EPN2: variants seen among roughly 807,000 people sequenced by gnomAD.
EPN2 encodes epsin-2.
Under a neutral mutation model 61.7 loss-of-function variants are expected in EPN2, and 34 were observed. The ratio of observed to expected loss-of-function variants is 0.55; its 90% CI spans 0.42 to 0.73. EPN2 has a LOEUF of 0.73. EPN2 is among the 30% of genes least tolerant of loss of function. EPN2 has a pLI of 0.00. For missense variants in EPN2, 714 were observed against 839.2 expected (o/e 0.85, Z 1.84); for synonymous variants, 349 against 353.6 (o/e 0.99, Z 0.15).
At chr17:19,314,750 G>T (rs913687946) in intron 7 of EPN2, among the ~76,000 whole-genome samples, 1 of 152,250 alleles carries the variant, frequency 6.6e-6, no homozygotes, top group Non-Finnish European at 1.5e-5. Context: ...TGCTCAAGAG[G>T]TTGGTTCACA....
chr17:19,261,881 AT>A (rs2045145181), intron 1 of EPN2, among the ~76,000 whole-genome samples: 1 of 152,124 alleles, frequency 6.6e-6, no homozygotes, highest in Non-Finnish European at 1.5e-5. Context: ...GTTTTGTCTT[AT>A]TTTGTTTTGT....
intron 1 of EPN2, among the ~76,000 whole-genome samples, chr17:19,245,174 G>A (rs191123975): frequency 1.3e-5 from 2 of 152,308 alleles, no homozygotes; most frequent in African/African-American, 4.8e-5. Context: ...GCCTGGATGT[G>A]TACAGCAGGG....
At chr17:19,305,727 C>T (rs1337627911) in intron 4 of EPN2, among the ~76,000 whole-genome samples, 4 of 152,120 alleles carry the variant, frequency 2.6e-5, no homozygotes, top group Non-Finnish European at 5.9e-5. Context: ...TACAGGCACC[C>T]AGGCTCTGCC....
Position 19,318,549 on chromosome 17 carries a change from C to CAAAAAAAAAA in EPN2, c.1147+5279_1147+5288dup, listed in dbSNP as rs58660254. Reference sequence around the variant, plus strand: ...TGGGCAACAGAGCGAGACTCCATCTCAAAAAAAAAAAAAAAAAAGAGTAGG... The same window carrying CAAAAAAAAAA: ...TGGGCAACAGAGCGAGACTCCATCTCAAAAAAAAAAAAAAAAAAAAAAAAAAAAGAGTAGG... On this transcript the variant is annotated intron_variant, in intron 7 of 10. Transcript: ENST00000314728. 6.5e-4 allele frequency among the ~76,000 whole-genome samples: 16 copies of CAAAAAAAAAA among 24,780 alleles called. 4 individuals carry two copies. The highest frequency in any genetic ancestry group is 1.2e-3 in the Non-Finnish European group (11 of 9,550). 16.3% of individuals were successfully genotyped at this position (24,780 alleles called of 152,430 possible). A position where few individuals can be genotyped will look rare whatever the true frequency, so the allele number is the denominator to read the frequency against.
intron 7 of EPN2, among the ~76,000 whole-genome samples, chr17:19,328,047 G>T (rs1201402668): frequency 6.6e-6 from 1 of 152,102 alleles, no homozygotes; most frequent in Non-Finnish European, 1.5e-5. Flanking sequence ...TTTTGTGTGT[G>T]TTTTTTCTTT....
chr17:19,316,113 A>G (rs1034972286), intron 7 of EPN2, among the ~76,000 whole-genome samples: 3 of 152,236 alleles, frequency 2.0e-5, no homozygotes, highest in African/African-American at 4.8e-5. Flanking sequence ...TGGATATACA[A>G]CACTTCGTTT....
chr17:19,245,783 C>T (rs1043503738), intron 1 of EPN2, among the ~76,000 whole-genome samples: 1 of 151,954 alleles, frequency 6.6e-6, no homozygotes, highest in Non-Finnish European at 1.5e-5. Context: ...CTGTCTCAGC[C>T]TCCTGAGTAG....
intron 1 of EPN2, among the ~76,000 whole-genome samples, chr17:19,259,308 CTTTTTTTTTT>C (rs776768357): frequency 7.3e-5 from 7 of 96,194 alleles, no homozygotes; most frequent in Admixed American, 7.0e-4. Flanking sequence ...AGTGTTGGGT[CTTTTTTTTTT>C]TTTTTTTTTT....
intron 4 of EPN2, among the ~76,000 whole-genome samples, chr17:19,298,165 C>T (rs573659927): frequency 2.0e-5 from 3 of 152,188 alleles, no homozygotes; most frequent in East Asian, 1.9e-4. Context: ...TGAGCCACCA[C>T]GCCCAGCCTC....
intron 4 of EPN2, among the ~76,000 whole-genome samples, chr17:19,291,582 C>T (rs1265833734): frequency 2.6e-5 from 4 of 151,768 alleles, no homozygotes; most frequent in Non-Finnish European, 4.4e-5. Flanking sequence ...GGACTACAGG[C>T]GCCCGCCACT....
chr17:19,310,281 A>G (rs373802736), intron 5 of EPN2, among the ~76,000 whole-genome samples: 22 of 152,174 alleles, frequency 1.4e-4, no homozygotes, highest in East Asian at 9.7e-4. Context: ...ACTTGTGCAG[A>G]CACGTGTCTG....
chr17:19,284,561 GTA>G (rs779282450), intron 3 of EPN2, among the ~76,000 whole-genome samples: 1 of 152,204 alleles, frequency 6.6e-6, no homozygotes, highest in Non-Finnish European at 1.5e-5. Context: ...GGTGGGGATT[GTA>G]GAAATTATAT....
At chr17:19,315,801 A>G (rs1311488929) in intron 7 of EPN2, among the ~76,000 whole-genome samples, 2 of 152,176 alleles carry the variant, frequency 1.3e-5, no homozygotes, top group Non-Finnish European at 2.9e-5. Flanking sequence ...AACCATTTTA[A>G]AGCGGACACT....
chr17:19,285,730 G>A lies in EPN2; in HGVS notation c.706G>A (p.Ala236Thr). ...CCCCTTCCTGCCGCACCTGGGGCTG[G>A]CCTCCCGCCCAAATGGCGACTGGTC... is the stretch of plus-strand genomic sequence containing the variant. ...RHPFLPHLGLASRPNGDWSQP... is the reference protein window; with the variant it reads ...RHPFLPHLGLTSRPNGDWSQP... Residue 236 changes from alanine to threonine, a missense_variant, in exon 4 of 11, where the codon GCC (alanine) becomes ACC (threonine). Ala to Thr is a moderately conservative substitution (Grantham distance 58). Transcript: ENST00000314728. This position sits in a 1 kb window ranked among gnomAD's most constrained non-coding sequence, Gnocchi z 4.5. 6.2e-7 allele frequency: 1 copy of A among 1,607,878 alleles called. No individual in the cohort carries two copies. Among genetic ancestry groups the A allele is most frequent in the Non-Finnish European group, 8.5e-7 (1 of 1,178,334 alleles).
chr17:19,308,752 C>T (rs1005853661), intron 4 of EPN2: 19 of 847,578 alleles, frequency 2.2e-5, no homozygotes, highest in African/African-American at 3.7e-5. Flanking sequence ...CTTCCTGAAA[C>T]GGGGGCAGAG....
intron 1 of EPN2, among the ~76,000 whole-genome samples, chr17:19,248,662 TCTTTA>T (rs1244108894): frequency 1.3e-5 from 2 of 152,234 alleles, no homozygotes; most frequent in African/African-American, 4.8e-5. Flanking sequence ...CTTCATTTAT[TCTTTA>T]CTTAATGCTT....
intron 1 of EPN2, among the ~76,000 whole-genome samples, chr17:19,251,330 T>C (rs1032432566): frequency 6.6e-6 from 1 of 152,180 alleles, no homozygotes; most frequent in Non-Finnish European, 1.5e-5. Context: ...TCTTGCTTCC[T>C]TCAGCTCCCA....
intron 4 of EPN2, among the ~76,000 whole-genome samples, chr17:19,304,105 A>AAAAT (rs59074991): frequency 0.97 from 146,262 of 151,462 alleles, 70,907 homozygotes; most frequent in African/African-American, 0.99. Flanking sequence ...TCCGTCTCAA[A>AAAAT]AAATAAATAA....
intron 1 of EPN2, chr17:19,279,768 C>G (rs1437405707): frequency 1.3e-5 from 2 of 151,308 alleles, no homozygotes; most frequent in Non-Finnish European, 2.9e-5. Context: ...TTAGGACATT[C>G]TCAACCATTT....
Sources: gnomAD v4.1 joint callset for allele counts (sites outside exome capture counted in the v4.1 genomes callset) on GRCh38, gnomAD v4.1.1 for gene constraint, Gnocchi (gnomAD v3.1) non-coding constraint, MANE v1.5 for transcripts, NCBI Gene and HGNC (gene_info 2026-07-23, HGNC 2026-07-21) for gene names.